The following APBB2 variants were observed in gnomAD, a reference collection of about 807,000 sequenced individuals.
APBB2 encodes the protein amyloid beta precursor protein binding family B member 2, also known as Fe65-like 1.
APBB2 carries 38 observed loss-of-function variants against 82.5 expected under a neutral mutation model. The ratio of observed to expected loss-of-function variants is 0.46; its 90% CI spans 0.36 to 0.60. The LOEUF (loss-of-function observed/expected upper bound fraction) is 0.60, where lower values mean the gene tolerates loss of function less well. APBB2 is among the 20% of genes least tolerant of loss of function. The pLI is 0.00. For synonymous variants in APBB2, 341 were observed against 368.2 expected, an observed-to-expected ratio of 0.93 and a Z score of 0.85; for missense variants, 772 against 972.3, an observed-to-expected ratio of 0.79 and a Z score of 2.74.
At position 41,078,150 on chromosome 4, in the gene APBB2, A is replaced by G. The variant is rs141277082; in HGVS notation, c.-148-12477T>C. ...GCAGGTATTTAAGGGAGGAAGAATA[A>G]AAGAAAGATAAACCCCTCTCTTCCT... On this transcript the variant is annotated intron_variant, in intron 3 of 17. Coordinates refer to ENST00000508593, the MANE Select transcript of APBB2 (RefSeq NM_004307.2). 7.8e-3 allele frequency among the ~76,000 whole-genome samples: 1,188 copies of G among 152,312 alleles called. 18 individuals carry two copies. The highest frequency in any genetic ancestry group is 0.027 in the African/African-American group (1,111 of 41,578).
intron 6 of APBB2, among the ~76,000 whole-genome samples, chr4:40,963,496 C>T (rs2154394665): frequency 6.6e-6 from 1 of 152,370 alleles, no homozygotes; most frequent in East Asian, 1.9e-4. Context: ...GATCCTCCTG[C>T]TTTGGCCTCC....
intron 2 of APBB2, among the ~76,000 whole-genome samples, chr4:41,119,064 T>C (rs923308239): frequency 6.6e-6 from 1 of 151,882 alleles, no homozygotes; most frequent in African/African-American, 2.4e-5. Flanking sequence ...GTTTGAGCCC[T>C]GGAGGTTGAG....
chr4:41,175,655 AAT>A (rs1769564585), intron 1 of APBB2, among the ~76,000 whole-genome samples: 1 of 152,204 alleles, frequency 6.6e-6, no homozygotes, highest in Admixed American at 6.5e-5. Flanking sequence ...ATATAAACAC[AAT>A]ATTCAGAGAA....
At chr4:40,905,910 G>A (rs1776570534) in intron 10 of APBB2, among the ~76,000 whole-genome samples, 1 of 152,070 alleles carries the variant, frequency 6.6e-6, no homozygotes, top group Non-Finnish European at 1.5e-5. Flanking sequence ...CCCCTTGTGT[G>A]GCTCGAGTGG....
At chr4:40,975,802 A>C (rs1294345948) in intron 6 of APBB2, among the ~76,000 whole-genome samples, 1 of 146,368 alleles carries the variant, frequency 6.8e-6, no homozygotes, top group Non-Finnish European at 1.5e-5. Context: ...CAACCACTCT[A>C]CTTTCCCCTA....
intron 10 of APBB2, among the ~76,000 whole-genome samples, chr4:40,913,476 C>T (rs1387258503): frequency 6.6e-6 from 1 of 152,178 alleles, no homozygotes; most frequent in East Asian, 1.9e-4. Flanking sequence ...AGTCCTTCCT[C>T]CGAATAGCTC....
chr4:40,840,725 T>C (rs1016998276), intron 12 of APBB2, among the ~76,000 whole-genome samples: 1 of 152,092 alleles, frequency 6.6e-6, no homozygotes, highest in African/African-American at 2.4e-5. Context: ...AGACACAGTG[T>C]GTAAATAGCA....
At position 40,934,438 on chromosome 4, in the gene APBB2, A is replaced by T. The variant is rs747820465; in HGVS notation, c.1254+18T>A. Reference sequence around the variant, plus strand: ...TCTAAGAATATAACCTGGTGGCTGAAAGCAAGTCTTTACAAACCTTGGCTT... The same window carrying T: ...TCTAAGAATATAACCTGGTGGCTGATAGCAAGTCTTTACAAACCTTGGCTT... On this transcript the variant is annotated intron_variant, in intron 10 of 17. Coordinates refer to ENST00000508593, the MANE Select transcript of APBB2 (RefSeq NM_004307.2). The T allele has an allele frequency of 3.7e-6, 6 of 1,611,792 alleles. No homozygotes were observed. Among genetic ancestry groups the T allele is most frequent in the African/African-American group, 2.7e-5 (2 of 74,888 alleles).
chr4:41,116,898 T>C, intron 2 of APBB2, among the ~76,000 whole-genome samples: 1 of 152,164 alleles, frequency 6.6e-6, no homozygotes, highest in Non-Finnish European at 1.5e-5. Context: ...CCACTTACAT[T>C]GGGTGATTTT....
chr4:41,093,795 G>A (rs1036488120), intron 3 of APBB2, among the ~76,000 whole-genome samples: 6 of 151,938 alleles, frequency 3.9e-5, no homozygotes, highest in East Asian at 3.9e-4. Context: ...TGGAGGTTGC[G>A]GTGAGCCAAG....
intron 10 of APBB2, among the ~76,000 whole-genome samples, chr4:40,913,429 G>A (rs1000306122): frequency 6.6e-6 from 1 of 152,218 alleles, no homozygotes; most frequent in African/African-American, 2.4e-5. Flanking sequence ...CTTTGCACAT[G>A]AGTCCACTCG....
Position 40,908,135 on chromosome 4 carries a change from G to C in APBB2, c.1255-14724C>G, listed in dbSNP as rs184058828. 1.8e-3 allele frequency among the ~76,000 whole-genome samples: 272 copies of C among 152,016 alleles called. 2 individuals carry two copies. Among genetic ancestry groups the C allele is most frequent in the African/African-American group, 6.3e-3 (259 of 41,436 alleles). On this transcript the variant is annotated intron_variant, in intron 10 of 17. Coordinates refer to ENST00000508593, the MANE Select transcript of APBB2 (RefSeq NM_004307.2). ...TTATAAGAGGAGGAAGAGACAGCAGGGAGGCGCCCACACAGAGAATAGGCC... is the reference window on the plus strand; with the variant it reads ...TTATAAGAGGAGGAAGAGACAGCAGCGAGGCGCCCACACAGAGAATAGGCC...
At position 41,085,699 on chromosome 4, in the gene APBB2, G is replaced by A. The variant is rs570056920; in HGVS notation, c.-149+14940C>T. Among the ~76,000 whole-genome samples, 3 of 152,162 alleles carry A rather than the reference G, an allele frequency of 2.0e-5. No individual in the cohort carries two copies. In the South Asian group the frequency reaches 6.2e-4, roughly 32 times the overall value. ...TACCCAAGGAACAAAAAATGGCAGA[G>A]ACATTCAAGTTCATTATTTTAAAGT... is the stretch of plus-strand genomic sequence containing the variant. On this transcript the variant is annotated intron_variant, in intron 3 of 17. Transcript: ENST00000508593.
chr4:40,962,861 T>C (rs1793659915), intron 6 of APBB2, among the ~76,000 whole-genome samples: 1 of 152,198 alleles, frequency 6.6e-6, no homozygotes, highest in African/African-American at 2.4e-5. Context: ...GTTTGCTATT[T>C]TTTATTCACC....
chr4:41,213,709 C>A (rs1034152507), intron 1 of APBB2, among the ~76,000 whole-genome samples: 41 of 152,344 alleles, frequency 2.7e-4, no homozygotes, highest in Non-Finnish European at 4.7e-4. Context: ...GTGGGCAGCG[C>A]AGGGGCTTTC....
rs578066563 is a variant in APBB2, at chr4:40,884,994, A to C, written c.1529+5370T>G. Among the ~76,000 whole-genome samples, 409 of 152,376 alleles carry C rather than the reference A, an allele frequency of 2.7e-3. 2 individuals are homozygous for C. Among genetic ancestry groups the C allele is most frequent in the African/African-American group, 9.4e-3 (392 of 41,588 alleles). On this transcript the variant is annotated intron_variant, in intron 12 of 17. Coordinates refer to ENST00000508593, the MANE Select transcript of APBB2 (RefSeq NM_004307.2). ...AAGATTTTATTAAAAGTTGTTCATC[A>C]AAACCAGAAAAGAAAGGTATTAAAC...
At chr4:41,147,524 CTT>C (rs1343955739) in intron 1 of APBB2, among the ~76,000 whole-genome samples, 1 of 128,038 alleles carries the variant, frequency 7.8e-6, no homozygotes. Flanking sequence ...GAGTTTCCCT[CTT>C]GTCTCCCAGG....
At chr4:41,149,645 A>G (rs1028019733) in intron 1 of APBB2, among the ~76,000 whole-genome samples, 1 of 152,234 alleles carries the variant, frequency 6.6e-6, no homozygotes, top group African/African-American at 2.4e-5. Flanking sequence ...TCAACTCCAG[A>G]GCAAGGGTTC....
chr4:40,971,657 T>G (rs868381576), intron 6 of APBB2, among the ~76,000 whole-genome samples: 1 of 152,298 alleles, frequency 6.6e-6, no homozygotes, highest in Middle Eastern at 3.4e-3. Context: ...GCAATAGAAC[T>G]TAAGAGGCCT....
Sources: gnomAD v4.1 joint callset for allele counts (sites outside exome capture counted in the v4.1 genomes callset) on GRCh38, gnomAD v4.1.1 for gene constraint, MANE v1.5 for transcripts, NCBI Gene and HGNC (gene_info 2026-07-23, HGNC 2026-07-21) for gene names.